PADI6: variants seen among roughly 807,000 people sequenced by gnomAD.
The protein encoded by PADI6 is peptidyl arginine deiminase 6.
PADI6 carries 66 observed loss-of-function variants against 78.2 expected under a neutral mutation model. That is an observed-to-expected ratio of 0.84 (90% confidence interval 0.69 to 1.04). The LOEUF is 1.04. PADI6 is among the 50% of genes least tolerant of loss of function. The pLI is 0.00. For synonymous variants in PADI6, 397 were observed against 346.9 expected, an observed-to-expected ratio of 1.14 and a Z score of -1.60; for missense variants, 854 against 866.1, an observed-to-expected ratio of 0.99 and a Z score of 0.18.
In PADI6 at chr1:17,395,636, C is replaced by CT. The variant is rs1365289779; in HGVS notation, c.1593dup (p.Arg532Ter). On this transcript the variant is annotated frameshift_variant, in exon 13 of 16. Coordinates refer to ENST00000619609, the MANE Select transcript of PADI6 (RefSeq NM_207421.4). LOFTEE classifies it high-confidence loss of function. Reference sequence around the variant, plus strand: ...TGGCGACGCTCTTCTGTTTGATGAGCTTAGAGCAGATCAGCTCCTGTCTAA... The same window carrying CT: ...TGGCGACGCTCTTCTGTTTGATGAGCTTTAGAGCAGATCAGCTCCTGTCTAA... 4.3e-6 allele frequency: 7 copies of CT among 1,611,170 alleles called. No individual in the cohort carries two copies. The highest frequency in any genetic ancestry group is 5.1e-6 in the Non-Finnish European group (6 of 1,178,854).
chr1:17,382,380 A>G (rs1366293166), intron 6 of PADI6, among the ~76,000 whole-genome samples: 1 of 152,244 alleles, frequency 6.6e-6, no homozygotes, highest in East Asian at 1.9e-4. Flanking sequence ...GAAGAGAGAC[A>G]TATCCACTGA....
Position 17,375,515 on chromosome 1 carries a change from A to G in PADI6, c.367+16A>G, listed in dbSNP as rs763538283. On this transcript the variant is annotated intron_variant, in intron 3 of 15. Transcript: ENST00000619609. ...ACTGGCATTGGTGAGTGTTGCTCCA[A>G]CTGGGAGCCTGGGGCCCAACTCACC... The G allele has an allele frequency of 1.3e-6, 2 of 1,590,500 alleles. No individual in the cohort carries two copies. Among genetic ancestry groups the G allele is most frequent in the East Asian group, 2.3e-5 (1 of 43,836 alleles).
Position 17,373,138 on chromosome 1 carries a change from GAGA to G in PADI6, c.202_204del (p.Lys68del), listed in dbSNP as rs765603771. The G allele has an allele frequency of 5.5e-5, 88 of 1,614,044 alleles. No homozygotes were observed. The South Asian group carries it at 6.7e-4, about 12-fold the overall frequency. On this transcript the variant is annotated inframe_deletion, in exon 2 of 16. Coordinates refer to ENST00000619609, the MANE Select transcript of PADI6 (RefSeq NM_207421.4). ...CGATGTGGCCAACACGGTGATTTCT[GAGA>G]AGGAGGACGCCACCATCTGGTGGCC...
At position 17,394,634 on chromosome 1, in the gene PADI6, T is replaced by C. The variant is rs555208491; in HGVS notation, c.1337+180T>C. On this transcript the variant is annotated intron_variant, in intron 11 of 15. Coordinates refer to ENST00000619609, the MANE Select transcript of PADI6 (RefSeq NM_207421.4). ...AAGATGAGAATAAACCATTTATTCT[T>C]TGATTCCAGGGTTTAAACTGAAACA... 1.1e-4 allele frequency among the ~76,000 whole-genome samples: 16 copies of C among 152,352 alleles called. No homozygotes were observed. In the South Asian group the frequency reaches 3.3e-3, roughly 32 times the overall value.
At position 17,399,728 on chromosome 1, in the gene PADI6, T is replaced by TAA. The variant is rs548016477; in HGVS notation, c.1851+881_1851+882insAA. Among the ~76,000 whole-genome samples, 57 of 123,688 alleles carry TAA rather than the reference T, an allele frequency of 4.6e-4. No homozygotes were observed. The South Asian group carries it at 0.014, about 30-fold the overall frequency. The allele number at this position is 123,688 out of a possible 152,430, so 81.1% of individuals were successfully genotyped here. A position where few individuals can be genotyped will look rare whatever the true frequency, so the allele number is the denominator to read the frequency against. ...GGCAACATAGTGAGACCCTGCAACT[T>TAA]TAAAAAAAAGAAAAAAAAAATGCTG... is the stretch of plus-strand genomic sequence containing the variant. On this transcript the variant is annotated intron_variant, in intron 15 of 15. Coordinates refer to ENST00000619609, the MANE Select transcript of PADI6 (RefSeq NM_207421.4).
Position 17,396,457 on chromosome 1 carries a change from CAA to C in PADI6, c.1619-612_1619-611del, listed in dbSNP as rs562429911. 5.1e-4 allele frequency among the ~76,000 whole-genome samples: 78 copies of C among 152,230 alleles called. 1 individual carries two copies. The South Asian group carries it at 0.016, about 30-fold the overall frequency. ...TAGGTTTTTCTAGACCCTCAATACT[CAA>C]AGTGTTATCTGAGGGCCAGCGCACC... On this transcript the variant is annotated intron_variant, in intron 13 of 15. Coordinates refer to ENST00000619609, the MANE Select transcript of PADI6 (RefSeq NM_207421.4).
At chr1:17,396,546 TTG>T (rs1172912888) in intron 13 of PADI6, among the ~76,000 whole-genome samples, 1 of 152,082 alleles carries the variant, frequency 6.6e-6, no homozygotes, top group Non-Finnish European at 1.5e-5. Flanking sequence ...TACTCAGCCT[TTG>T]GGGTTGGGGC....
intron 12 of PADI6, 82 bp downstream of exon 12, chr1:17,395,189 G>A: frequency 6.8e-7 from 1 of 1,464,984 alleles, no homozygotes; most frequent in Admixed American, 2.4e-5. Context: ...GAGAAAACTG[G>A]CTTTTTCTTG....
At chr1:17,375,975 C>CTTTTTTTTTTTTTTTTTTTTTTTT (rs575076756) in intron 3 of PADI6, among the ~76,000 whole-genome samples, 22 of 150,316 alleles carry the variant, frequency 1.5e-4, no homozygotes, top group Middle Eastern at 3.4e-3. Context: ...ATAACATCTA[C>CTTTTTTTTTTTTTTTTTTTTTTTT]TTTTTTTTTC....
In PADI6 at chr1:17,375,427, G is replaced by T. The variant is rs527333686; in HGVS notation, c.295G>T (p.Val99Phe). Residue 99 changes from valine to phenylalanine, a missense_variant and splice_region_variant, in exon 3 of 16, where the codon GTC becomes TTC. Val to Phe is a conservative substitution (Grantham distance 50). Coordinates refer to ENST00000619609, the MANE Select transcript of PADI6 (RefSeq NM_207421.4). ...SPSPSVDADKVSVTYYGPNED... is the reference protein window; with the variant it reads ...SPSPSVDADKFSVTYYGPNED... ...TGGTTTCGGGATGCTGTCTCCACAG[G>T]TCTCGGTCACATACTATGGGCCCAA... is the stretch of plus-strand genomic sequence containing the variant. 1.2e-6 allele frequency: 2 copies of T among 1,610,712 alleles called. No individual in the cohort carries two copies. The highest frequency in any genetic ancestry group is 2.7e-5 in the African/African-American group (2 of 74,982).
At chr1:17,383,719 C>G (rs2075094165) in intron 6 of PADI6, among the ~76,000 whole-genome samples, 1 of 151,226 alleles carries the variant, frequency 6.6e-6, no homozygotes, top group Non-Finnish European at 1.5e-5. Flanking sequence ...GGCGGGCATG[C>G]CCGCCAGCTA....
rs1318324314 is a variant in PADI6 at position 17,373,080 on chromosome 1, C to T, written c.141C>T (p.Cys47=). 2 of 1,613,982 alleles carry T rather than the reference C, an allele frequency of 1.2e-6. No homozygotes were observed. The highest frequency in any genetic ancestry group is 1.7e-5 in the Admixed American group (1 of 60,020). The change falls in exon 2 of 16, where the codon TGC becomes TGT. Residue 47 remains cysteine, a synonymous_variant. Coordinates refer to ENST00000619609, the MANE Select transcript of PADI6 (RefSeq NM_207421.4). ...GGTGTGCCCCCCAGAAGTGCCAGTG[C>T]TTCACCATCCATGGCTCTGGGAGGG... is the stretch of plus-strand genomic sequence containing the variant. ...LSGCAPQKCQ[C]FTIHGSGRVL...
chr1:17,390,637 C>T (rs1398334316), intron 8 of PADI6, among the ~76,000 whole-genome samples: 3 of 151,388 alleles, frequency 2.0e-5, no homozygotes, highest in African/African-American at 4.8e-5. Flanking sequence ...CTCTTCCAGG[C>T]TCCGTGGGTG....
intron 14 of PADI6, among the ~76,000 whole-genome samples, chr1:17,397,509 T>C (rs2075258748): frequency 6.6e-6 from 1 of 152,078 alleles, no homozygotes; most frequent in Admixed American, 6.6e-5. Flanking sequence ...TTGACAGATA[T>C]TACTTGCAGA....
chr1:17,388,855 G>T lies in PADI6; in HGVS notation c.937G>T (p.Val313Leu). Residue 313 changes from valine (V) to leucine (L), a missense_variant, in exon 8 of 16, where the codon GTG becomes TTG. Transcript: ENST00000619609. ...CTGTGTCTTCATTCCCTGTACCCAG[G>T]TGCCTCTGGAGGTTTACCTGTGCAG... is the stretch of plus-strand genomic sequence containing the variant. ...APCVFIPCTQ[V>L]PLEVYLCREL... The T allele has an allele frequency of 6.2e-7, 1 of 1,613,684 alleles. No homozygotes were observed. The highest frequency in any genetic ancestry group is 8.5e-7 in the Non-Finnish European group (1 of 1,179,824).
chr1:17,397,176 A>C, intron 14 of PADI6, 35 bp downstream of exon 14: 1 of 1,610,260 alleles, frequency 6.2e-7, no homozygotes, highest in South Asian at 1.1e-5. Flanking sequence ...TCCCCAAGAA[A>C]GAGCTGGTGC....
Position 17,372,197 on chromosome 1 carries a change from G to A in PADI6, c.-49G>A, listed in dbSNP as rs768630316. The A allele has an allele frequency of 2.6e-6, 4 of 1,529,850 alleles. No individual in the cohort carries two copies. The highest frequency in any genetic ancestry group is 1.1e-5 in the South Asian group (1 of 89,154). The allele number at this position is 1,529,850 out of a possible 1,614,324, so 94.8% of individuals were successfully genotyped here. A position where few individuals can be genotyped will look rare whatever the true frequency, so the allele number is the denominator to read the frequency against. ...CAGGGAAGGGCAGGGTGAGCCCTGG[G>A]GCGTCTGAGGCTGCTGTGCTGAGTG... On this transcript the variant is annotated 5_prime_UTR_variant, in exon 1 of 16. Coordinates refer to ENST00000619609, the MANE Select transcript of PADI6 (RefSeq NM_207421.4).
chr1:17,390,117 T>C (rs1471245819), intron 8 of PADI6, among the ~76,000 whole-genome samples: 1 of 151,506 alleles, frequency 6.6e-6, no homozygotes, highest in African/African-American at 2.4e-5. Context: ...CTGGCCAACA[T>C]GGTAAAACCC....
At chr1:17,386,174 C>CCT (rs1441660257) in intron 6 of PADI6, among the ~76,000 whole-genome samples, 12 of 152,124 alleles carry the variant, frequency 7.9e-5, no homozygotes, top group African/African-American at 2.7e-4. Flanking sequence ...GGGCTTCTGG[C>CCT]CTCCCCCATG....
Sources: allele counts gnomAD v4.1 joint callset (sites outside exome capture counted in the v4.1 genomes callset), GRCh38; gene constraint gnomAD v4.1.1; transcripts MANE v1.5; gene names NCBI Gene and HGNC (gene_info 2026-07-23, HGNC 2026-07-21).